Variants in PCDHGA12 observed in about 807,000 individuals in gnomAD.
The protein encoded by PCDHGA12 is protocadherin gamma subfamily A, 12.
PCDHGA12 carries 43 observed loss-of-function variants against 61.1 expected under a neutral mutation model. The observed-to-expected ratio is 0.70, with a 90% CI of 0.55 to 0.91. The LOEUF is 0.91. Ranked by LOEUF, PCDHGA12 falls within the 40% of genes least tolerant of loss-of-function variation. The pLI, the probability that PCDHGA12 is intolerant of heterozygous loss-of-function variation, is 0.00. For synonymous variants in PCDHGA12, 520 were observed against 542.9 expected, an observed-to-expected ratio of 0.96 and a Z score of 0.59; for missense variants, 1,236 against 1,227.7, an observed-to-expected ratio of 1.01 and a Z score of -0.10.
At position 141,491,640 on chromosome 5, in the gene PCDHGA12, T is replaced by A; in HGVS notation, c.2425-3167T>A. 6.2e-7 allele frequency: 1 copy of A among 1,613,804 alleles called. No homozygotes were observed. Among genetic ancestry groups the A allele is most frequent in the South Asian group, 1.1e-5 (1 of 91,086 alleles). On this transcript the variant is annotated intron_variant, in intron 1 of 3. Coordinates refer to ENST00000252085, the MANE Select transcript of PCDHGA12 (RefSeq NM_003735.3). This position sits in a 1 kb window ranked among gnomAD's most constrained non-coding sequence, Gnocchi z 6.9. ...CCCTCAGCGTTCAGCAGCCCACAGC[T>A]CTGGCGCTGGAGCCTGACGCCATCC...
intron 1 of PCDHGA12, chr5:141,441,780 C>A: frequency 2.6e-6 from 1 of 391,236 alleles, no homozygotes. Flanking sequence ...GGTGGACGAC[C>A]TGAATGACAA....
chr5:141,485,964 T>A lies in PCDHGA12; in HGVS notation c.2425-8843T>A. 1 of 1,614,162 alleles carries A rather than the reference T, an allele frequency of 6.2e-7. No homozygotes were observed. The highest frequency in any genetic ancestry group is 8.5e-7 in the Non-Finnish European group (1 of 1,180,000). On this transcript the variant is annotated intron_variant, in intron 1 of 3. Transcript: ENST00000252085. The surrounding 1 kb of genome is among the most constrained non-coding windows in gnomAD (Gnocchi z 5.7). ...CCAGCGGGCATGGTGCTCATCCAGC[T>A]CAATGCCTCAGACCCGGACCTGGGT...
In PCDHGA12 at chr5:141,489,537, C is replaced by T. The variant is rs2099688580; in HGVS notation, c.2425-5270C>T. 6.2e-6 allele frequency: 10 copies of T among 1,614,118 alleles called. No homozygotes were observed. Among genetic ancestry groups the T allele is most frequent in the Non-Finnish European group, 8.5e-6 (10 of 1,180,028 alleles). ...ACCGAGAAAGCCTATGTGGAGCCAG[C>T]ACCAGCTGCCTGCTGCCAGTGCAGG... On this transcript the variant is annotated intron_variant, in intron 1 of 3. Transcript: ENST00000252085. This position sits in a 1 kb window ranked among gnomAD's most constrained non-coding sequence, Gnocchi z 4.5.
At chr5:141,466,325 C>T (rs1252026939) in intron 1 of PCDHGA12, among the ~76,000 whole-genome samples, 3 of 152,108 alleles carry the variant, frequency 2.0e-5, no homozygotes, top group African/African-American at 7.2e-5. Context: ...CACATGCTAC[C>T]ATGCCTGGAT....
At position 141,477,591 on chromosome 5, in the gene PCDHGA12, T is replaced by C; in HGVS notation, c.2425-17216T>C. On this transcript the variant is annotated intron_variant, in intron 1 of 3. Coordinates refer to ENST00000252085, the MANE Select transcript of PCDHGA12 (RefSeq NM_003735.3). This position sits in a 1 kb window ranked among gnomAD's most constrained non-coding sequence, Gnocchi z 4.9. Reference sequence around the variant, plus strand: ...CCCGACGCCCCGCAGAATGCTCGGCTTTCTTTCTTTCTCTTGGAGCAAGGA... The same window carrying C: ...CCCGACGCCCCGCAGAATGCTCGGCCTTCTTTCTTTCTCTTGGAGCAAGGA... The C allele has an allele frequency of 6.2e-7, 1 of 1,614,136 alleles. No homozygotes were observed. The highest frequency in any genetic ancestry group is 8.5e-7 in the Non-Finnish European group (1 of 1,180,016).
At chr5:141,438,589 TAC>T (rs72335471) in intron 1 of PCDHGA12, among the ~76,000 whole-genome samples, 19,881 of 66,350 alleles carry the variant, frequency 0.3, 2,903 homozygotes, top group Admixed American at 0.41. Context: ...CATACATACA[TAC>T]ATATATATAT....
At chr5:141,433,546 T>C (rs1317735935) in intron 1 of PCDHGA12, among the ~76,000 whole-genome samples, 1 of 152,090 alleles carries the variant, frequency 6.6e-6, no homozygotes, top group Non-Finnish European at 1.5e-5. Context: ...TATCAGATAT[T>C]CTTTTCTGGC....
At chr5:141,497,092 G>C (rs2099773958) in intron 2 of PCDHGA12, among the ~76,000 whole-genome samples, 1 of 152,092 alleles carries the variant, frequency 6.6e-6, no homozygotes, top group Admixed American at 6.5e-5. Flanking sequence ...AGGAGGCTGA[G>C]GCAGAACTGC....
intron 2 of PCDHGA12, among the ~76,000 whole-genome samples, chr5:141,500,501 G>A (rs571735791): frequency 1.3e-5 from 2 of 152,058 alleles, no homozygotes; most frequent in Non-Finnish European, 2.9e-5. Context: ...GAGCCACCGC[G>A]CCTGGCCGAG....
intron 1 of PCDHGA12, among the ~76,000 whole-genome samples, chr5:141,458,876 G>T (rs187470646): frequency 5.0e-4 from 76 of 152,248 alleles, no homozygotes; most frequent in African/African-American, 1.7e-3. Context: ...GGGACTACAG[G>T]CATGCACACC....
intron 1 of PCDHGA12, among the ~76,000 whole-genome samples, chr5:141,444,203 C>A (rs2098425806): frequency 1.3e-5 from 1 of 79,180 alleles, no homozygotes; most frequent in Admixed American, 2.0e-4. Context: ...TGGAGTTTCA[C>A]TCTTGTTGCC....
At chr5:141,510,431 G>A (rs912708135) in intron 3 of PCDHGA12, among the ~76,000 whole-genome samples, 9 of 152,132 alleles carry the variant, frequency 5.9e-5, no homozygotes, top group African/African-American at 1.9e-4. Flanking sequence ...TTTCATGGCT[G>A]CTGCCCTCCA....
intron 1 of PCDHGA12, among the ~76,000 whole-genome samples, chr5:141,460,508 G>C (rs1390313220): frequency 6.6e-6 from 1 of 152,040 alleles, no homozygotes; most frequent in East Asian, 1.9e-4. Context: ...TGCTGAGAAG[G>C]CTATCTTTTC....
chr5:141,464,260 G>A (rs546781463), intron 1 of PCDHGA12, among the ~76,000 whole-genome samples: 1 of 131,668 alleles, frequency 7.6e-6, no homozygotes, highest in Non-Finnish European at 1.6e-5. Flanking sequence ...GCGAGACTCC[G>A]TCTAAAAAAA....
intron 1 of PCDHGA12, among the ~76,000 whole-genome samples, chr5:141,437,623 T>G (rs887878119): frequency 3.3e-5 from 5 of 152,172 alleles, no homozygotes; most frequent in Non-Finnish European, 7.4e-5. Context: ...TATCCCCATA[T>G]AAGATGTCAG....
chr5:141,474,244 A>G (rs910247549), intron 1 of PCDHGA12, among the ~76,000 whole-genome samples: 26 of 152,270 alleles, frequency 1.7e-4, no homozygotes, highest in Non-Finnish European at 3.2e-4. Context: ...TGAATAGGGG[A>G]AAAAAAGACT....
intron 1 of PCDHGA12, among the ~76,000 whole-genome samples, chr5:141,455,204 T>G (rs1173402170): frequency 6.6e-6 from 1 of 152,052 alleles, no homozygotes; most frequent in Admixed American, 6.6e-5. Context: ...TTACAACCAA[T>G]AAGAGTTTTT....
intron 1 of PCDHGA12, among the ~76,000 whole-genome samples, chr5:141,453,193 A>G (rs2098757675): frequency 6.6e-6 from 1 of 152,142 alleles, no homozygotes; most frequent in Admixed American, 6.5e-5. Context: ...AGCTCACTGC[A>G]GCCTCAACCT....
intron 1 of PCDHGA12, among the ~76,000 whole-genome samples, chr5:141,451,430 T>C (rs1441183396): frequency 2.0e-5 from 3 of 152,240 alleles, no homozygotes; most frequent in Non-Finnish European, 4.4e-5. Context: ...AGACTAAGGG[T>C]TCCAGTTCCT....
Sources: gnomAD v4.1 joint callset for allele counts (sites outside exome capture counted in the v4.1 genomes callset) on GRCh38, gnomAD v4.1.1 for gene constraint, Gnocchi (gnomAD v3.1) non-coding constraint, MANE v1.5 for transcripts, NCBI Gene and HGNC (gene_info 2026-07-23, HGNC 2026-07-21) for gene names.